Variants in CD300LD observed in about 807,000 individuals in gnomAD.
The protein encoded by CD300LD is CD300 molecule like family member d.
A neutral mutation model predicts 20.3 loss-of-function variants in CD300LD; 18 were observed. That is an observed-to-expected ratio of 0.89 (90% CI 0.61 to 1.32). The LOEUF (loss-of-function observed/expected upper bound fraction) is 1.32, where lower values mean the gene tolerates loss of function less well. Among genes scored for constraint, CD300LD ranks in the 40% most tolerant of loss-of-function variants. CD300LD has a pLI of 0.00. For missense variants in CD300LD, 195 were observed against 226.6 expected (o/e 0.86, Z 0.90); for synonymous variants, 104 against 90.1 (o/e 1.15, Z -0.87).
downstream of CD300LD, among the ~76,000 whole-genome samples, chr17:74,579,096 C>T (rs1339722433): frequency 2.6e-5 from 4 of 152,184 alleles, no homozygotes; most frequent in Non-Finnish European, 4.4e-5. Context: ...CTGTGTTTTC[C>T]CATCATCTTC....
At chr17:74,580,335 G>A (rs1323732228) in intron 3 of CD300LD, among the ~76,000 whole-genome samples, 2 of 152,178 alleles carry the variant, frequency 1.3e-5, no homozygotes, top group African/African-American at 2.4e-5. Flanking sequence ...TCAAGGTCCC[G>A]TCTGCCAACT....
At chr17:74,588,944 A>G (rs182795987) in intron 1 of CD300LD, 95 bp from the exon 2 acceptor site, 15 of 808,608 alleles carry the variant, frequency 1.9e-5, no homozygotes, top group Middle Eastern at 4.7e-4. Flanking sequence ...CAACTGCCTT[A>G]TAACAGTCAA....
intron 2 of CD300LD, among the ~76,000 whole-genome samples, chr17:74,588,208 T>C (rs1015684530): frequency 1.3e-5 from 2 of 152,108 alleles, no homozygotes; most frequent in African/African-American, 2.4e-5. Context: ...TATAAAGCAG[T>C]TCCATTCCCA....
At chr17:74,579,008 A>C (rs1314033588), downstream of CD300LD, among the ~76,000 whole-genome samples, 1 of 152,222 alleles carries the variant, frequency 6.6e-6, no homozygotes, top group Non-Finnish European at 1.5e-5. Flanking sequence ...AGTAGCAGCC[A>C]ACTGCAATAC....
chr17:74,588,859 G>A lies in CD300LD; in HGVS notation c.41-10C>T, dbSNP rs759981218. 8.8e-6 allele frequency: 14 copies of A among 1,593,736 alleles called. No individual in the cohort carries two copies. The highest frequency in any genetic ancestry group is 1.7e-4 in the Middle Eastern group (1 of 5,986). The stretch of plus-strand genomic sequence containing the variant: ...GCGGCAATGGAGTAACCTGGAAAAC[G>A]CAAATTCATGTGTCGTCACCTCCCA... On this transcript the variant is annotated splice_polypyrimidine_tract_variant and intron_variant, in intron 1 of 3. Transcript: ENST00000375352.
intron 2 of CD300LD, among the ~76,000 whole-genome samples, chr17:74,586,545 A>G (rs1200372435): frequency 1.3e-5 from 2 of 152,156 alleles, no homozygotes; most frequent in South Asian, 2.1e-4. Context: ...CCCGGGCCCT[A>G]TAAACAATGG....
At chr17:74,591,988 TAA>T in intron 1 of CD300LD, 173 bp downstream of exon 1, 1 of 1,531,328 alleles carries the variant, frequency 6.5e-7, no homozygotes, top group African/African-American at 1.4e-5. Context: ...CTGCAGCATC[TAA>T]CACAGAACCT....
In CD300LD at chr17:74,590,230, A is replaced by T. The variant is rs1210713693; in HGVS notation, c.41-1381T>A. Among the ~76,000 whole-genome samples, 3 of 152,254 alleles carry T rather than the reference A, an allele frequency of 2.0e-5. No individual in the cohort carries two copies. In the East Asian group the frequency reaches 5.8e-4, roughly 29 times the overall value. Reference sequence around the variant, plus strand: ...CTCATTCTCTCTCTTGCCTGCTGCCATATAATACATGCCTTTCACCTTCCA... The same window carrying T: ...CTCATTCTCTCTCTTGCCTGCTGCCTTATAATACATGCCTTTCACCTTCCA... On this transcript the variant is annotated intron_variant, in intron 1 of 3. Transcript: ENST00000375352.
intron 1 of CD300LD, 59 bp from the exon 2 acceptor site, chr17:74,588,908 C>T (rs1271230198): frequency 5.5e-6 from 7 of 1,283,614 alleles, no homozygotes; most frequent in African/African-American, 4.4e-5. Flanking sequence ...GCCACAGCCT[C>T]GTGCATTGGG....
intron 2 of CD300LD, among the ~76,000 whole-genome samples, chr17:74,587,026 G>A (rs915548801): frequency 3.9e-5 from 6 of 152,096 alleles, no homozygotes; most frequent in African/African-American, 1.2e-4. Context: ...GTGCATGCCT[G>A]TAATCCCAGC....
chr17:74,588,484 C>G, intron 2 of CD300LD, 27 bp downstream of exon 2: 1 of 1,469,898 alleles, frequency 6.8e-7, no homozygotes, highest in Non-Finnish European at 9.4e-7. Context: ...ACCTGAGAGA[C>G]ACACACGTAT....
intron 2 of CD300LD, among the ~76,000 whole-genome samples, chr17:74,586,604 G>A (rs963967835): frequency 6.6e-6 from 1 of 152,108 alleles, no homozygotes; most frequent in Non-Finnish European, 1.5e-5. Context: ...TAGGTTCCCG[G>A]AGGCACATTG....
intron 2 of CD300LD, among the ~76,000 whole-genome samples, chr17:74,586,295 C>T (rs1046753790): frequency 4.6e-5 from 7 of 152,110 alleles, no homozygotes; most frequent in Admixed American, 1.3e-4. Flanking sequence ...AATCTAAAAA[C>T]GGCCAAGGAG....
At chr17:74,589,642 T>A (rs938176311) in intron 1 of CD300LD, among the ~76,000 whole-genome samples, 3 of 152,234 alleles carry the variant, frequency 2.0e-5, no homozygotes, top group Non-Finnish European at 2.9e-5. Context: ...GTCAGCCTAA[T>A]CTTTCACTTG....
chr17:74,582,475 G>A (rs1256187315), intron 2 of CD300LD, among the ~76,000 whole-genome samples, 164 bp from the exon 3 acceptor site: 1 of 152,250 alleles, frequency 6.6e-6, no homozygotes, highest in Admixed American at 6.5e-5. Context: ...CTAAAGAGAA[G>A]TTACTGAATT....
intron 3 of CD300LD, among the ~76,000 whole-genome samples, chr17:74,580,900 T>TA (rs372413183): frequency 2.0e-3 from 247 of 123,436 alleles, no homozygotes; most frequent in Middle Eastern, 4.7e-3. Context: ...GCCCCATCTC[T>TA]AAAAAAAAAA....
downstream of CD300LD, among the ~76,000 whole-genome samples, chr17:74,578,934 G>A (rs904488227): frequency 2.0e-5 from 3 of 152,152 alleles, no homozygotes; most frequent in Non-Finnish European, 4.4e-5. Flanking sequence ...CTGGCATCCA[G>A]TTTATGGATT....
chr17:74,588,905 C>A, intron 1 of CD300LD, 56 bp from the exon 2 acceptor site: 2 of 1,313,110 alleles, frequency 1.5e-6, no homozygotes, highest in Admixed American at 1.9e-5. Context: ...AGGGCCACAG[C>A]CTCGTGCATT....
chr17:74,591,958 T>C, intron 1 of CD300LD: 1 of 1,440,538 alleles, frequency 6.9e-7, no homozygotes, highest in East Asian at 2.4e-5. Context: ...ATACTTGTTT[T>C]GTTTTGTGTG....
Sources: allele counts gnomAD v4.1 joint callset (sites outside exome capture counted in the v4.1 genomes callset), GRCh38; gene constraint gnomAD v4.1.1; transcripts MANE v1.5; gene names NCBI Gene and HGNC (gene_info 2026-07-23, HGNC 2026-07-21).